The following RGSL1 variants were observed in gnomAD, a reference collection of about 807,000 sequenced individuals.
RGSL1 encodes regulator of G protein signaling like 1, also known as regulator of G protein signaling protein-like.
RGSL1 carries 97 observed loss-of-function variants against 124.7 expected under a neutral mutation model. The observed-to-expected ratio is 0.78, with a 90% confidence interval of 0.66 to 0.92. RGSL1 has a LOEUF of 0.92. RGSL1 is among the 40% of genes least tolerant of loss of function. The probability of loss-of-function intolerance (pLI) is 0.00; values close to 1 mark genes in which losing one functional copy is unlikely to be tolerated. For synonymous variants in RGSL1, 424 were observed against 438.1 expected, an observed-to-expected ratio of 0.97 and a Z score of 0.40; for missense variants, 1,233 against 1,288.4, an observed-to-expected ratio of 0.96 and a Z score of 0.66.
At chr1:182,508,368 C>T (rs1432391428) in intron 9 of RGSL1, among the ~76,000 whole-genome samples, 2 of 111,592 alleles carry the variant, frequency 1.8e-5, no homozygotes, top group African/African-American at 7.0e-5. Flanking sequence ...GGGGTGATTT[C>T]GGCCCACTGC....
chr1:182,459,723 T>C (rs1296391220), intron 3 of RGSL1, among the ~76,000 whole-genome samples: 1 of 152,220 alleles, frequency 6.6e-6, no homozygotes, highest in East Asian at 1.9e-4. Flanking sequence ...ATTTTTTCTT[T>C]AACAACTTCA....
intron 8 of RGSL1, among the ~76,000 whole-genome samples, chr1:182,490,864 G>T (rs929450772): frequency 2.6e-5 from 4 of 151,830 alleles, no homozygotes; most frequent in African/African-American, 9.7e-5. Context: ...AGGTAGGTTG[G>T]TGTCTCAAGC....
intron 18 of RGSL1, among the ~76,000 whole-genome samples, chr1:182,552,873 T>C (rs138433819): frequency 2.0e-5 from 3 of 152,190 alleles, no homozygotes; most frequent in African/African-American, 7.2e-5. Context: ...AATCCATTCA[T>C]GAGGGCAGAC....
At position 182,548,383 on chromosome 1, in the gene RGSL1, G is replaced by C; in HGVS notation, c.2736G>C (p.Val912=). 1 of 1,551,960 alleles carries C rather than the reference G, an allele frequency of 6.4e-7. No homozygotes were observed. The highest frequency in any genetic ancestry group is 8.7e-7 in the Non-Finnish European group (1 of 1,147,046). Residue 912 remains valine (V), a synonymous_variant, in exon 16 of 22, where the codon GTG becomes GTC. Coordinates refer to ENST00000294854, the MANE Select transcript of RGSL1 (RefSeq NM_001137669.2). The part of the protein sequence containing the change: ...QVNRAYNEND[V]ILMRSKMNII... ...ACCGGGCATATAATGAGAATGATGT[G>C]ATCCTAATGCGGTCCAAAATGAACA...
chr1:182,544,000 A>T (rs1402142572), intron 15 of RGSL1, among the ~76,000 whole-genome samples: 1 of 151,656 alleles, frequency 6.6e-6, no homozygotes, highest in Non-Finnish European at 1.5e-5. Flanking sequence ...AATTTCATTT[A>T]TTTCTGCTCT....
At chr1:182,532,855 A>T in intron 14 of RGSL1, 64 bp downstream of exon 14, 11 of 1,491,432 alleles carry the variant, frequency 7.4e-6, no homozygotes, top group Non-Finnish European at 1.0e-5. Flanking sequence ...GTCAGCCCAC[A>T]TAAGAAGCTT....
At chr1:182,470,015 T>C (rs941587834) in intron 4 of RGSL1, among the ~76,000 whole-genome samples, 7 of 151,720 alleles carry the variant, frequency 4.6e-5, no homozygotes, top group South Asian at 2.1e-4. Context: ...AGGGGGGAAA[T>C]AGGCAGTGAC....
intron 6 of RGSL1, among the ~76,000 whole-genome samples, chr1:182,483,533 G>A (rs895976873): frequency 6.6e-6 from 1 of 151,916 alleles, no homozygotes; most frequent in Middle Eastern, 3.2e-3. Context: ...TGCATATAAT[G>A]TACATCTATG....
At chr1:182,469,818 G>C (rs1350403577) in intron 4 of RGSL1, among the ~76,000 whole-genome samples, 2 of 152,008 alleles carry the variant, frequency 1.3e-5, no homozygotes, top group Admixed American at 1.3e-4. Flanking sequence ...ATGCACAATG[G>C]AATATTATTC....
At chr1:182,464,721 T>A in intron 4 of RGSL1, among the ~76,000 whole-genome samples, 1 of 143,996 alleles carries the variant, frequency 6.9e-6, no homozygotes. Flanking sequence ...AAGACTCTGC[T>A]CAGAAGAAAA....
rs529069981 is a variant in RGSL1, at chr1:182,507,790, C to T, written c.1826-14214C>T. 2.2e-4 allele frequency among the ~76,000 whole-genome samples: 34 copies of T among 152,076 alleles called. 2 individuals carry two copies. The South Asian group carries it at 6.5e-3, about 29-fold the overall frequency. ...CAATCATGGCTCACTGCAGCCTTGA[C>T]CTCTTGGACTCAAGCAATCCTTCCA... On this transcript the variant is annotated intron_variant, in intron 9 of 21. Coordinates refer to ENST00000294854, the MANE Select transcript of RGSL1 (RefSeq NM_001137669.2).
chr1:182,480,144 C>A (rs1456292066), intron 6 of RGSL1, among the ~76,000 whole-genome samples: 3 of 152,084 alleles, frequency 2.0e-5, no homozygotes, highest in Admixed American at 6.5e-5. Flanking sequence ...GCAACTGGAC[C>A]TAACAGTCAT....
chr1:182,467,546 G>T (rs1291564175), intron 4 of RGSL1, among the ~76,000 whole-genome samples: 2 of 152,148 alleles, frequency 1.3e-5, no homozygotes, highest in Non-Finnish European at 2.9e-5. Flanking sequence ...AAATGGTGCT[G>T]GGAAAACTGG....
chr1:182,493,154 A>T, intron 9 of RGSL1, 25 bp downstream of exon 9: 2 of 1,432,432 alleles, frequency 1.4e-6, no homozygotes, highest in Non-Finnish European at 1.9e-6. Flanking sequence ...TCAGGGATAG[A>T]CGAGGCAACT....
intron 18 of RGSL1, 21 bp downstream of exon 18, chr1:182,551,230 C>A: frequency 7.2e-7 from 1 of 1,384,892 alleles, no homozygotes; most frequent in Non-Finnish European, 9.9e-7. Flanking sequence ...CCACGACTCA[C>A]AGCCCCATTC....
intron 16 of RGSL1, 66 bp downstream of exon 16, chr1:182,548,521 G>A: frequency 1.3e-6 from 2 of 1,541,494 alleles, no homozygotes; most frequent in Non-Finnish European, 1.8e-6. Flanking sequence ...AGGACAATTA[G>A]AAAGCTAATT....
At chr1:182,483,970 G>T (rs1216043012) in intron 6 of RGSL1, among the ~76,000 whole-genome samples, 3 of 152,116 alleles carry the variant, frequency 2.0e-5, no homozygotes, top group African/African-American at 7.2e-5. Flanking sequence ...AGCCAATAGG[G>T]CTCAGTGGCA....
intron 4 of RGSL1, among the ~76,000 whole-genome samples, chr1:182,462,299 T>C (rs1652907110): frequency 6.6e-6 from 1 of 152,078 alleles, no homozygotes; most frequent in Non-Finnish European, 1.5e-5. Context: ...ATTAAGATAT[T>C]CCCAGATAAA....
At chr1:182,483,757 G>A (rs929333470) in intron 6 of RGSL1, among the ~76,000 whole-genome samples, 2 of 152,118 alleles carry the variant, frequency 1.3e-5, no homozygotes, top group African/African-American at 4.8e-5. Context: ...TGGGGTGCAC[G>A]TTCACTTTAT....
Sources: allele counts gnomAD v4.1 joint callset (sites outside exome capture counted in the v4.1 genomes callset), GRCh38; gene constraint gnomAD v4.1.1; transcripts MANE v1.5; gene names NCBI Gene and HGNC (gene_info 2026-07-23, HGNC 2026-07-21).